Variants in DAB1 observed in about 807,000 individuals in gnomAD.
The protein encoded by DAB1 is disabled homolog 1.
A neutral mutation model predicts 64.6 loss-of-function variants in DAB1; 15 were observed. The ratio of observed to expected loss-of-function variants is 0.23; its 90% CI spans 0.16 to 0.36. The LOEUF (loss-of-function observed/expected upper bound fraction) is 0.36, where lower values mean the gene tolerates loss of function less well. Among genes scored for constraint, DAB1 ranks in the 10% least tolerant of loss-of-function variants. The pLI is 1.00. For synonymous variants in DAB1, 235 were observed against 251.9 expected (o/e 0.93, Z 0.64); for missense variants, 596 against 706.7 (o/e 0.84, Z 1.78).
At chr1:58,520,212 C>T (rs1213605160) in intron 2 of DAB1, among the ~76,000 whole-genome samples, 1 of 151,876 alleles carries the variant, frequency 6.6e-6, no homozygotes, top group Non-Finnish European at 1.5e-5. Context: ...AATTTACCCA[C>T]GTAACAGACC....
chr1:57,134,555 A>T (rs1417899300), intron 4 of DAB1, among the ~76,000 whole-genome samples: 1 of 120,998 alleles, frequency 8.3e-6, no homozygotes, highest in Non-Finnish European at 1.9e-5. Flanking sequence ...GAAGAGAAAA[A>T]ATAACTATTG....
chr1:57,778,477 G>C (rs1167835221), intron 6 of DAB1, among the ~76,000 whole-genome samples: 2 of 151,874 alleles, frequency 1.3e-5, no homozygotes, highest in African/African-American at 4.8e-5. Flanking sequence ...TCACATTCCT[G>C]AGCTGTCTAG....
chr1:57,258,083 T>C (rs1669899093), intron 2 of DAB1, among the ~76,000 whole-genome samples: 3 of 152,246 alleles, frequency 2.0e-5, no homozygotes, highest in Admixed American at 1.3e-4. Flanking sequence ...CCAATTTTCA[T>C]AGTTGAAAGC....
intron 3 of DAB1, among the ~76,000 whole-genome samples, chr1:58,424,931 T>G (rs72914402): frequency 0.035 from 4,765 of 136,918 alleles, 270 homozygotes; most frequent in African/African-American, 0.12. Flanking sequence ...TGAACACAGT[T>G]TGGAAGGCAA....
intron 2 of DAB1, among the ~76,000 whole-genome samples, chr1:58,516,279 A>G (rs1184503802): frequency 1.3e-5 from 2 of 152,286 alleles, no homozygotes; most frequent in South Asian, 4.1e-4. Context: ...AACTTAAGAA[A>G]CTGTTACGAA....
intron 4 of DAB1, among the ~76,000 whole-genome samples, chr1:58,315,276 A>G (rs1171493798): frequency 6.6e-6 from 1 of 152,192 alleles, no homozygotes; most frequent in Non-Finnish European, 1.5e-5. Context: ...CCATGTATTA[A>G]TCTTTGGCTG....
intron 5 of DAB1, among the ~76,000 whole-genome samples, chr1:57,938,657 T>C (rs920016403): frequency 6.6e-6 from 1 of 152,190 alleles, no homozygotes; most frequent in Non-Finnish European, 1.5e-5. Flanking sequence ...CTTTTCTTTA[T>C]AAATTACCCA....
rs145757248 is a variant in DAB1 at position 57,850,820 on chromosome 1, G to A, written n.88-24365C>T. 7.9e-5 allele frequency among the ~76,000 whole-genome samples: 12 copies of A among 152,202 alleles called. No individual in the cohort carries two copies. The East Asian group carries it at 2.1e-3, about 27-fold the overall frequency. ...GGTCTGACCTAAAACAGCTGTGCGT[G>A]ACTTGAAATTTAAGCATTCCTCTTT... On this transcript the variant is annotated intron_variant and non_coding_transcript_variant, in intron 1 of 1. Transcript: ENST00000477280.
chr1:58,200,569 T>C (rs1016771714), intron 4 of DAB1, among the ~76,000 whole-genome samples: 1 of 152,196 alleles, frequency 6.6e-6, no homozygotes, highest in African/African-American at 2.4e-5. Context: ...CAAGGCAGAA[T>C]GGTATGTGCC....
chr1:57,339,744 A>G (rs950328351), intron 1 of DAB1, among the ~76,000 whole-genome samples: 3 of 152,230 alleles, frequency 2.0e-5, no homozygotes, highest in Admixed American at 1.3e-4. Context: ...AAGGATTATA[A>G]TTAGAAATAC....
chr1:58,499,477 T>TAGATAGATAGATAGATAGATAGATAG (rs1553122687), intron 3 of DAB1, among the ~76,000 whole-genome samples: 1 of 143,662 alleles, frequency 7.0e-6, no homozygotes, highest in Admixed American at 7.0e-5. Flanking sequence ...AAAGCCAGAC[T>TAGATAGATAGATAGATAGATAGATAG]ATAGATAGAT....
At chr1:57,786,545 G>A (rs753290015) in intron 6 of DAB1, among the ~76,000 whole-genome samples, 1 of 152,074 alleles carries the variant, frequency 6.6e-6, no homozygotes, top group African/African-American at 2.4e-5. Flanking sequence ...AATAATAAAA[G>A]CTAATATGTT....
chr1:57,864,289 A>G (rs1334917172), intron 1 of DAB1: 1 of 152,172 alleles, frequency 6.6e-6, no homozygotes, highest in African/African-American at 2.4e-5. Flanking sequence ...TCTTTCCATA[A>G]TGGTGTAGTG....
chr1:57,415,535 C>T (rs1186834902), intron 1 of DAB1, among the ~76,000 whole-genome samples: 1 of 152,146 alleles, frequency 6.6e-6, no homozygotes, highest in Non-Finnish European at 1.5e-5. Flanking sequence ...TATTCAGCTT[C>T]CCAAAGGCAT....
chr1:57,507,645 A>G (rs980277360), intron 7 of DAB1, among the ~76,000 whole-genome samples: 3 of 152,126 alleles, frequency 2.0e-5, no homozygotes, highest in African/African-American at 7.2e-5. Flanking sequence ...GTCTGCATCA[A>G]CCACATCTTT....
At chr1:58,072,747 G>A (rs1649356285) in intron 5 of DAB1, among the ~76,000 whole-genome samples, 1 of 152,198 alleles carries the variant, frequency 6.6e-6, no homozygotes, top group Admixed American at 6.5e-5. Context: ...GATCAATTTA[G>A]ACAAGAACAA....
At chr1:58,180,483 C>T (rs548176200) in intron 4 of DAB1, among the ~76,000 whole-genome samples, 10 of 151,240 alleles carry the variant, frequency 6.6e-5, no homozygotes, top group South Asian at 2.1e-4. Flanking sequence ...TTCATAGAGG[C>T]GAGCTCTCAC....
intron 7 of DAB1, among the ~76,000 whole-genome samples, chr1:57,622,853 C>T (rs528699388): frequency 5.9e-5 from 9 of 152,274 alleles, no homozygotes; most frequent in African/African-American, 1.9e-4. Context: ...GTCTCCCCTT[C>T]CTGGTCTTCT....
chr1:58,181,156 T>C (rs1015339351), intron 4 of DAB1, among the ~76,000 whole-genome samples: 1 of 152,154 alleles, frequency 6.6e-6, no homozygotes, highest in African/African-American at 2.4e-5. Context: ...GACTCTGTTG[T>C]TAGTTGCATA....
Sources: allele counts gnomAD v4.1 joint callset (sites outside exome capture counted in the v4.1 genomes callset), GRCh38; gene constraint gnomAD v4.1.1; transcripts MANE v1.5; gene names NCBI Gene and HGNC (gene_info 2026-07-23, HGNC 2026-07-21).